The following USP22 variants were observed in gnomAD, a reference collection of about 807,000 sequenced individuals.
USP22 encodes the protein ubiquitin carboxyl-terminal hydrolase 22.
A neutral mutation model predicts 68.1 loss-of-function variants in USP22; 22 were observed. That is an observed-to-expected ratio of 0.32 (90% confidence interval 0.23 to 0.46). The LOEUF (loss-of-function observed/expected upper bound fraction) is 0.46. Ranked by LOEUF, USP22 falls within the 20% of genes least tolerant of loss-of-function variation. USP22 has a pLI of 1.00. For synonymous variants in USP22, 279 were observed against 274.2 expected (o/e 1.02, Z -0.17); for missense variants, 433 against 695.8 (o/e 0.62, Z 4.25).
chr17:21,009,164 G>T (rs867445491), intron 8 of USP22, among the ~76,000 whole-genome samples: 2 of 151,666 alleles, frequency 1.3e-5, no homozygotes, highest in Non-Finnish European at 2.9e-5. Flanking sequence ...AGAGGCAGGA[G>T]GTAGGAGGGC....
intron 1 of USP22, among the ~76,000 whole-genome samples, chr17:21,032,585 C>G (rs1318142168): frequency 3.3e-5 from 5 of 152,122 alleles, no homozygotes; most frequent in African/African-American, 9.7e-5. Context: ...TTACAGCAGG[C>G]CCGGTCACTC....
At chr17:21,005,504 T>C (rs1279086368) in intron 10 of USP22, among the ~76,000 whole-genome samples, 5 of 152,230 alleles carry the variant, frequency 3.3e-5, no homozygotes, top group Non-Finnish European at 5.9e-5. Flanking sequence ...TACTGCATTT[T>C]CCTACAGCTG....
chr17:21,025,646 T>C (rs1972210419), intron 2 of USP22, among the ~76,000 whole-genome samples: 1 of 152,116 alleles, frequency 6.6e-6, no homozygotes, highest in African/African-American at 2.4e-5. Flanking sequence ...ACATAAACAA[T>C]GGAACATGAC....
At chr17:21,029,111 A>G (rs1479965184) in intron 1 of USP22, among the ~76,000 whole-genome samples, 1 of 152,258 alleles carries the variant, frequency 6.6e-6, no homozygotes, top group African/African-American at 2.4e-5. Context: ...GGAGGGAGAC[A>G]TGAATCAAAG....
chr17:21,004,020 T>G (rs558723523), intron 12 of USP22, among the ~76,000 whole-genome samples, 182 bp downstream of exon 12: 2 of 152,020 alleles, frequency 1.3e-5, no homozygotes, highest in East Asian at 3.9e-4. Flanking sequence ...CTCAGGCACC[T>G]CTTCTCCCAC....
chr17:21,003,151 G>A (rs1474356641), intron 12 of USP22, 78 bp from the exon 13 acceptor site: 1 of 1,553,146 alleles, frequency 6.4e-7, no homozygotes, highest in Admixed American at 1.7e-5. Flanking sequence ...CTACACAAAA[G>A]CCTACGTGCT....
chr17:21,008,093 T>C (rs1440496785), intron 8 of USP22, 97 bp from the exon 9 acceptor site: 8 of 1,417,118 alleles, frequency 5.6e-6, no homozygotes, highest in Non-Finnish European at 7.6e-6. Context: ...TGGGTTGATT[T>C]CCCTACCAAA....
At chr17:21,019,531 A>T (rs1972128138) in intron 3 of USP22, among the ~76,000 whole-genome samples, 1 of 152,250 alleles carries the variant, frequency 6.6e-6, no homozygotes, top group Non-Finnish European at 1.5e-5. Flanking sequence ...AACTTACATG[A>T]AGGATTCTCC....
chr17:21,005,787 T>A (rs533299009), intron 10 of USP22, among the ~76,000 whole-genome samples: 1 of 152,296 alleles, frequency 6.6e-6, no homozygotes, highest in Admixed American at 6.5e-5. Flanking sequence ...AATAACAACA[T>A]CCACGTCTCA....
At chr17:21,028,155 A>G (rs962740422) in intron 2 of USP22, among the ~76,000 whole-genome samples, 1 of 152,178 alleles carries the variant, frequency 6.6e-6, no homozygotes, top group Admixed American at 6.5e-5. Flanking sequence ...AAAATCACCT[A>G]TGCCCACCCA....
upstream of USP22, chr17:21,043,302 C>CCCCCCCCCCCCCCCCCCCCG (rs1567596616): frequency 4.2e-5 from 2 of 47,548 alleles, no homozygotes; most frequent in Non-Finnish European, 1.2e-4. Context: ...GTAGGCCACC[C>CCCCCCCCCCCCCCCCCCCCG]CCCCCCCCCC....
intron 9 of USP22, 120 bp downstream of exon 9, chr17:21,007,750 G>T: frequency 7.7e-7 from 1 of 1,303,896 alleles, no homozygotes; most frequent in South Asian, 1.3e-5. Context: ...CTTCCTCGGT[G>T]TTCTTCCTGC....
chr17:21,021,248 G>A (rs756145225), intron 2 of USP22, 22 bp from the exon 3 acceptor site: 3 of 1,547,462 alleles, frequency 1.9e-6, no homozygotes, highest in Non-Finnish European at 2.7e-6. Flanking sequence ...AAGGAGGGAG[G>A]AGAAACCAAG....
At chr17:21,026,259 A>G (rs552162636) in intron 2 of USP22, among the ~76,000 whole-genome samples, 83 of 152,364 alleles carry the variant, frequency 5.4e-4, no homozygotes, top group African/African-American at 1.7e-3. Flanking sequence ...CCAGATGTCC[A>G]TAAGAAAACA....
intron 2 of USP22, among the ~76,000 whole-genome samples, chr17:21,027,326 G>C (rs998902734): frequency 8.8e-6 from 1 of 113,648 alleles, no homozygotes; most frequent in African/African-American, 2.9e-5. Context: ...CACACTATCT[G>C]TGTCGTCAGC....
In USP22 at chr17:21,001,838, A is replaced by AT. The variant is rs1464450008; in HGVS notation, c.*1192dup. On this transcript the variant is annotated 3_prime_UTR_variant, in exon 13 of 13. Coordinates refer to ENST00000261497, the MANE Select transcript of USP22 (RefSeq NM_015276.2). ...ATTTGAATACACAGATACATGCAAG[A>AT]TATCTTACAAGAAACAATGCACATC... 1 of 152,218 alleles carries AT rather than the reference A, an allele frequency of 6.6e-6. No homozygotes were observed. The highest frequency in any genetic ancestry group is 1.5e-5 in the Non-Finnish European group (1 of 68,030). The allele number at this position is 152,218 out of a possible 1,614,324, so 9.4% of individuals were successfully genotyped here.
intron 6 of USP22, among the ~76,000 whole-genome samples, chr17:21,013,324 C>T (rs901381945): frequency 3.9e-5 from 6 of 152,158 alleles, no homozygotes; most frequent in Non-Finnish European, 8.8e-5. Flanking sequence ...CCCCAGCAAC[C>T]TCCCTCCCTG....
chr17:21,029,075 C>A (rs534202192), intron 1 of USP22, among the ~76,000 whole-genome samples: 2 of 152,128 alleles, frequency 1.3e-5, no homozygotes, highest in Admixed American at 6.5e-5. Context: ...AGGACCACAG[C>A]AAATTTAGAA....
intron 3 of USP22, among the ~76,000 whole-genome samples, chr17:21,019,950 G>A (rs956462873): frequency 1.2e-4 from 19 of 152,150 alleles, no homozygotes; most frequent in East Asian, 1.9e-4. Flanking sequence ...AAAGAACAGC[G>A]AACACAAGTC....
Sources: allele counts gnomAD v4.1 joint callset (sites outside exome capture counted in the v4.1 genomes callset), GRCh38; gene constraint gnomAD v4.1.1; transcripts MANE v1.5; gene names NCBI Gene and HGNC (gene_info 2026-07-23, HGNC 2026-07-21).